SVEP1: variants seen among roughly 807,000 people sequenced by gnomAD.
SVEP1 encodes the protein sushi, von Willebrand factor type A, EGF and pentraxin domain containing 1.
SVEP1 carries 164 observed loss-of-function variants against 367.3 expected under a neutral mutation model. That is an observed-to-expected ratio of 0.45 (90% CI 0.39 to 0.51). The LOEUF is 0.51. Among genes scored for constraint, SVEP1 ranks in the 20% least tolerant of loss-of-function variants. The pLI, the probability that SVEP1 is intolerant of heterozygous loss-of-function variation, is 0.00. For synonymous variants in SVEP1, 1,666 were observed against 1,611.6 expected, an observed-to-expected ratio of 1.03 and a Z score of -0.81; for missense variants, 4,117 against 4,425.3, an observed-to-expected ratio of 0.93 and a Z score of 1.98.
At chr9:110,495,288 T>C (rs940484745) in intron 8 of SVEP1, among the ~76,000 whole-genome samples, 15 of 152,192 alleles carry the variant, frequency 9.9e-5, no homozygotes, top group African/African-American at 3.4e-4. Context: ...GTGAACACGT[T>C]GCCTTACATG....
chr9:110,450,990 A>C (rs540634218), intron 23 of SVEP1, among the ~76,000 whole-genome samples: 1 of 152,302 alleles, frequency 6.6e-6, no homozygotes, highest in African/African-American at 2.4e-5. Flanking sequence ...ATCTGTTTGC[A>C]ATATGATATT....
In SVEP1 at chr9:110,451,271, A is replaced by T; in HGVS notation, c.3901+18T>A. On this transcript the variant is annotated intron_variant, in intron 23 of 47. Coordinates refer to ENST00000374469, the MANE Select transcript of SVEP1 (RefSeq NM_153366.4). The stretch of plus-strand genomic sequence containing the variant: ...TACAAGATTTTAAGACAACATAGGA[A>T]GACTGGAAACATCTTACCTACAAAT... 3 of 1,590,970 alleles carry T rather than the reference A, an allele frequency of 1.9e-6. No individual in the cohort carries two copies. The South Asian group carries it at 3.3e-5, about 18-fold the overall frequency.
chr9:110,520,119 G>A (rs1829859041), intron 3 of SVEP1, among the ~76,000 whole-genome samples: 1 of 151,976 alleles, frequency 6.6e-6, no homozygotes, highest in Admixed American at 6.6e-5. Context: ...TAAAACACTG[G>A]CGAACAGAGT....
At chr9:110,451,090 G>C (rs1303556502) in intron 23 of SVEP1, among the ~76,000 whole-genome samples, 199 bp downstream of exon 23, 1 of 152,118 alleles carries the variant, frequency 6.6e-6, no homozygotes, top group Non-Finnish European at 1.5e-5. Context: ...CCATTTGAGA[G>C]TAAATTGCAG....
intron 36 of SVEP1, among the ~76,000 whole-genome samples, chr9:110,426,301 A>G (rs549076099): frequency 1.3e-5 from 2 of 152,344 alleles, no homozygotes; most frequent in South Asian, 4.1e-4. Flanking sequence ...ACTCCTGTGA[A>G]GTAAAATCCA....
At chr9:110,471,230 GTAA>G (rs1365227215) in intron 16 of SVEP1, 131 bp downstream of exon 16, 2 of 714,118 alleles carry the variant, frequency 2.8e-6, no homozygotes, top group Non-Finnish European at 4.5e-6. Context: ...AGACAAAATA[GTAA>G]TAATAACAAC....
intron 1 of SVEP1, among the ~76,000 whole-genome samples, chr9:110,557,815 C>T (rs1348742082): frequency 2.6e-5 from 4 of 152,002 alleles, no homozygotes; most frequent in Non-Finnish European, 4.4e-5. Context: ...AGAGGTTAAC[C>T]CTCTTATTTG....
At chr9:110,538,872 T>C (rs1020622694) in intron 3 of SVEP1, among the ~76,000 whole-genome samples, 1 of 152,088 alleles carries the variant, frequency 6.6e-6, no homozygotes, top group African/African-American at 2.4e-5. Flanking sequence ...TCAATGTGAT[T>C]TGATGATCTA....
chr9:110,488,235 G>A (rs930442722), intron 9 of SVEP1, among the ~76,000 whole-genome samples: 2 of 152,132 alleles, frequency 1.3e-5, no homozygotes, highest in African/African-American at 4.8e-5. Context: ...GTTTAGGTGA[G>A]TTTGAAATGC....
chr9:110,558,513 CAAAA>C (rs59604799), intron 1 of SVEP1, among the ~76,000 whole-genome samples: 3 of 90,776 alleles, frequency 3.3e-5, no homozygotes, highest in Admixed American at 1.3e-4. Flanking sequence ...GACCCTGTCT[CAAAA>C]AAAAAAAAAA....
intron 2 of SVEP1, among the ~76,000 whole-genome samples, chr9:110,547,017 A>T (rs1830229169): frequency 1.3e-5 from 2 of 152,200 alleles, no homozygotes; most frequent in Admixed American, 6.5e-5. Flanking sequence ...TACTAGGTCC[A>T]TGGGGCTCTA....
At chr9:110,540,013 T>C (rs1247761946) in intron 3 of SVEP1, among the ~76,000 whole-genome samples, 1 of 152,048 alleles carries the variant, frequency 6.6e-6, no homozygotes, top group African/African-American at 2.4e-5. Flanking sequence ...ATCTATAAAA[T>C]GAGAAAATGC....
At chr9:110,573,515 C>T (rs573355003) in intron 1 of SVEP1, among the ~76,000 whole-genome samples, 1 of 152,212 alleles carries the variant, frequency 6.6e-6, no homozygotes, top group East Asian at 1.9e-4. Context: ...GACAGCGCAT[C>T]CCCCACCAGA....
chr9:110,408,255 C>T lies in SVEP1; in HGVS notation c.7345G>A (p.Gly2449Arg). 2 of 1,613,966 alleles carry T rather than the reference C, an allele frequency of 1.2e-6. No homozygotes were observed. Among genetic ancestry groups the T allele is most frequent in the Non-Finnish European group, 1.7e-6 (2 of 1,179,878 alleles). The change falls in exon 38 of 48, where the codon GGA becomes AGA. Residue 2449 changes from glycine (G) to arginine (R), a missense_variant. Around this residue, in one of 4 missense-constraint regions of SVEP1, gnomAD observed 1,765 missense variants for 1,781.1 expected, o/e 0.99. Transcript: ENST00000374469. ...ECPQPEEIPNGIIDVQGLAYL... is the reference protein window; with the variant it reads ...ECPQPEEIPNRIIDVQGLAYL... Reference sequence around the variant, plus strand: ...GCAAGGCCTTGCACATCAATGATTCCATTGGGGATTTCCTCAGGTTGGGGA... The same window carrying T: ...GCAAGGCCTTGCACATCAATGATTCTATTGGGGATTTCCTCAGGTTGGGGA...
intron 46 of SVEP1, among the ~76,000 whole-genome samples, chr9:110,370,651 A>T (rs1161449655): frequency 1.3e-5 from 2 of 152,228 alleles, no homozygotes; most frequent in African/African-American, 2.4e-5. Flanking sequence ...ACACTGAAAG[A>T]TTTACTATCT....
chr9:110,439,156 G>A (rs1388661755), intron 27 of SVEP1, among the ~76,000 whole-genome samples: 1 of 152,106 alleles, frequency 6.6e-6, no homozygotes, highest in Non-Finnish European at 1.5e-5. Flanking sequence ...TGGAGCCTTT[G>A]GGAGGTGATT....
chr9:110,495,897 A>G (rs1279985849), intron 8 of SVEP1, among the ~76,000 whole-genome samples: 1 of 152,158 alleles, frequency 6.6e-6, no homozygotes, highest in Non-Finnish European at 1.5e-5. Context: ...AAAATACACA[A>G]TCATTTTGGG....
At chr9:110,503,654 G>A (rs1829575836) in intron 5 of SVEP1, among the ~76,000 whole-genome samples, 1 of 152,174 alleles carries the variant, frequency 6.6e-6, no homozygotes, top group Non-Finnish European at 1.5e-5. Flanking sequence ...GACCTCATGG[G>A]CATATCCTAG....
rs567341786 is a variant in SVEP1 at position 110,504,648 on chromosome 9, T to C, written c.1304-1431A>G. ...ATGAAGCCTTAATTGGCTTAACACATTGTTATTTGGGTCCCTGATACCAGC... is the reference window on the plus strand; with the variant it reads ...ATGAAGCCTTAATTGGCTTAACACACTGTTATTTGGGTCCCTGATACCAGC... On this transcript the variant is annotated intron_variant, in intron 5 of 47. Coordinates refer to ENST00000374469, the MANE Select transcript of SVEP1 (RefSeq NM_153366.4). 1.4e-3 allele frequency among the ~76,000 whole-genome samples: 213 copies of C among 152,280 alleles called. 1 individual carries two copies. The highest frequency in any genetic ancestry group is 4.9e-3 in the African/African-American group (202 of 41,520).
Sources: allele counts gnomAD v4.1 joint callset (sites outside exome capture counted in the v4.1 genomes callset), GRCh38; gene constraint gnomAD v4.1.1; regional missense constraint gnomAD v4.1.1; transcripts MANE v1.5; gene names NCBI Gene and HGNC (gene_info 2026-07-23, HGNC 2026-07-21).